The following CMC1 variants were observed in gnomAD, a reference collection of about 807,000 sequenced individuals.
CMC1 encodes COX assembly mitochondrial protein homolog.
In CMC1, 14 loss-of-function variants were observed where a neutral mutation model predicts 14.1. The ratio of observed to expected loss-of-function variants is 0.99; its 90% CI spans 0.66 to 1.55. The LOEUF (loss-of-function observed/expected upper bound fraction) is 1.55. CMC1 is among the 40% of genes most tolerant of loss of function. The pLI is 0.00. For synonymous variants in CMC1, 50 were observed against 38.4 expected (o/e 1.30, Z -1.12); for missense variants, 127 against 123.8 (o/e 1.03, Z -0.12).
intron 2 of CMC1, among the ~76,000 whole-genome samples, chr3:28,283,490 G>C (rs1333320387): frequency 1.4e-5 from 2 of 147,584 alleles, no homozygotes; most frequent in African/African-American, 2.5e-5. Context: ...TTGCATTCCA[G>C]CTTGAGCAAC....
At chr3:28,277,197 G>A (rs1700628146) in intron 2 of CMC1, among the ~76,000 whole-genome samples, 1 of 152,114 alleles carries the variant, frequency 6.6e-6, no homozygotes, top group South Asian at 2.1e-4. Context: ...AGGTGATAGA[G>A]ATTTTATTCT....
At chr3:28,261,238 A>T (rs1699720439) in intron 1 of CMC1, among the ~76,000 whole-genome samples, 1 of 152,240 alleles carries the variant, frequency 6.6e-6, no homozygotes, top group Admixed American at 6.5e-5. Flanking sequence ...TATTTTACAA[A>T]GAAGGTTACA....
At chr3:28,260,524 C>G (rs759462461) in intron 1 of CMC1, among the ~76,000 whole-genome samples, 6 of 150,802 alleles carry the variant, frequency 4.0e-5, no homozygotes, top group Non-Finnish European at 7.4e-5. Flanking sequence ...TTTTATTGAT[C>G]TTATCCTCTC....
At chr3:28,283,019 G>A (rs1286241510) in intron 2 of CMC1, among the ~76,000 whole-genome samples, 1 of 152,142 alleles carries the variant, frequency 6.6e-6, no homozygotes, top group African/African-American at 2.4e-5. Flanking sequence ...ACTTTGCCAT[G>A]TATTTGTTGC....
At chr3:28,318,557 G>A (rs181384183) in intron 3 of CMC1, 1 of 152,004 alleles carries the variant, frequency 6.6e-6, no homozygotes, top group Non-Finnish European at 1.5e-5. Context: ...AGTAACATTT[G>A]TTTCTTTGTT....
intron 2 of CMC1, among the ~76,000 whole-genome samples, chr3:28,275,555 G>T (rs1700539744): frequency 1.3e-5 from 2 of 151,946 alleles, no homozygotes; most frequent in South Asian, 4.1e-4. Context: ...TGTATAAGGT[G>T]TTTGGCAACC....
Position 28,322,944 on chromosome 3 carries a change from C to A in CMC1, c.*3315C>A, listed in dbSNP as rs1038479480. 1 of 151,038 alleles carries A rather than the reference C, an allele frequency of 6.6e-6. No homozygotes were observed. The highest frequency in any genetic ancestry group is 1.5e-5 in the Non-Finnish European group (1 of 67,336). 9.4% of individuals were successfully genotyped at this position (151,038 alleles called of 1,614,324 possible). A position where few individuals can be genotyped will look rare whatever the true frequency, so the allele number is the denominator to read the frequency against. ...GGTGTATGAACCAAGTAAATCTCCA[C>A]CCTGAAAGAACTTAAATTTCCATGT... On this transcript the variant is annotated 3_prime_UTR_variant, in exon 4 of 4. Transcript: ENST00000466830.
rs772925245 is a variant in CMC1 at position 28,324,393 on chromosome 3, C to A, written c.*4764C>A. ...GTCTTGTGTATGTTGCAGTAAAATT[C>A]ATCAAGTGCAGTTTTGTGCTGTCTC... On this transcript the variant is annotated 3_prime_UTR_variant, in exon 4 of 4. Coordinates refer to ENST00000466830, the MANE Select transcript of CMC1 (RefSeq NM_182523.2). 4 of 1,556,052 alleles carry A rather than the reference C, an allele frequency of 2.6e-6. No individual in the cohort carries two copies. Among genetic ancestry groups the A allele is most frequent in the South Asian group, 2.5e-5 (2 of 81,556 alleles).
intron 1 of CMC1, among the ~76,000 whole-genome samples, chr3:28,250,817 CAGG>C (rs1559398815): frequency 1.3e-5 from 2 of 152,146 alleles, no homozygotes; most frequent in African/African-American, 2.4e-5. Flanking sequence ...GGGATTGCCC[CAGG>C]AGGATTAAGT....
intron 1 of CMC1, among the ~76,000 whole-genome samples, chr3:28,253,237 G>A (rs1699222682): frequency 6.6e-6 from 1 of 152,144 alleles, no homozygotes; most frequent in Admixed American, 6.5e-5. Flanking sequence ...TGTATATCAT[G>A]CCTTCTTCCC....
chr3:28,273,360 A>G lies in CMC1; in HGVS notation c.109+9980A>G, dbSNP rs1327507879. 2.0e-5 allele frequency among the ~76,000 whole-genome samples: 3 copies of G among 152,188 alleles called. No individual in the cohort carries two copies. In the East Asian group the frequency reaches 5.8e-4, roughly 29 times the overall value. On this transcript the variant is annotated intron_variant, in intron 2 of 3. Coordinates refer to ENST00000466830, the MANE Select transcript of CMC1 (RefSeq NM_182523.2). ...TTATTTCATTATTTACCCCGGAGCCATTCAGGAGCTAGTTGTTCAATTTCT... is the reference window on the plus strand; with the variant it reads ...TTATTTCATTATTTACCCCGGAGCCGTTCAGGAGCTAGTTGTTCAATTTCT...
At chr3:28,295,045 G>A (rs965212814) in intron 2 of CMC1, among the ~76,000 whole-genome samples, 11 of 152,048 alleles carry the variant, frequency 7.2e-5, no homozygotes, top group African/African-American at 2.4e-4. Context: ...CAGTGTTCAC[G>A]CTGTGCTACC....
intron 2 of CMC1, among the ~76,000 whole-genome samples, chr3:28,300,862 A>G (rs1009835786): frequency 6.6e-6 from 1 of 151,164 alleles, no homozygotes; most frequent in South Asian, 2.1e-4. Context: ...AAATAACCAC[A>G]GTTATCAGTT....
chr3:28,284,968 A>G (rs1701097526), intron 2 of CMC1, among the ~76,000 whole-genome samples: 1 of 152,110 alleles, frequency 6.6e-6, no homozygotes, highest in African/African-American at 2.4e-5. Context: ...TTGCACACAA[A>G]CTTCACCTTC....
In CMC1 at chr3:28,320,048, C is replaced by A. The variant is rs1327549937; in HGVS notation, c.*419C>A. The A allele has an allele frequency of 6.4e-6, 1 of 156,702 alleles. No homozygotes were observed. Among genetic ancestry groups the A allele is most frequent in the Non-Finnish European group, 1.4e-5 (1 of 71,262 alleles). 9.7% of individuals were successfully genotyped at this position (156,702 alleles called of 1,614,324 possible). A position where few individuals can be genotyped will look rare whatever the true frequency, so the allele number is the denominator to read the frequency against. Reference sequence around the variant, plus strand: ...AGCAGAATGGCTATGAACCAGAATCCTTCCTGATTCTACCACTTATTAGCT... The same window carrying A: ...AGCAGAATGGCTATGAACCAGAATCATTCCTGATTCTACCACTTATTAGCT... On this transcript the variant is annotated 3_prime_UTR_variant, in exon 4 of 4. Transcript: ENST00000466830.
At chr3:28,294,479 G>A in intron 2 of CMC1, 2 of 978,380 alleles carry the variant, frequency 2.0e-6, no homozygotes, top group Non-Finnish European at 2.4e-6. Flanking sequence ...GATGGATTTG[G>A]GAGAATTTTC....
intron 1 of CMC1, among the ~76,000 whole-genome samples, chr3:28,256,950 A>G (rs767116870): frequency 1.3e-5 from 2 of 152,244 alleles, no homozygotes; most frequent in East Asian, 1.9e-4. Flanking sequence ...TAAAAAATCA[A>G]TTGAACCTAA....
At chr3:28,251,621 C>G (rs1281940590) in intron 1 of CMC1, among the ~76,000 whole-genome samples, 1 of 152,144 alleles carries the variant, frequency 6.6e-6, no homozygotes, top group Non-Finnish European at 1.5e-5. Context: ...GTGATTTGAG[C>G]AAAGGCTGAG....
chr3:28,296,258 A>T (rs1701735662), intron 2 of CMC1, among the ~76,000 whole-genome samples: 2 of 152,104 alleles, frequency 1.3e-5, no homozygotes, highest in African/African-American at 4.8e-5. Flanking sequence ...GTAACCATGT[A>T]ATATTTTATA....
Sources: allele counts gnomAD v4.1 joint callset (sites outside exome capture counted in the v4.1 genomes callset), GRCh38; gene constraint gnomAD v4.1.1; transcripts MANE v1.5; gene names NCBI Gene and HGNC (gene_info 2026-07-23, HGNC 2026-07-21).